Variants in DIAPH1 observed in about 807,000 individuals in gnomAD.
DIAPH1 encodes the protein diaphanous related formin 1, also known as protein diaphanous homolog 1.
DIAPH1 carries 46 observed loss-of-function variants against 140.7 expected under a neutral mutation model. The ratio of observed to expected loss-of-function variants is 0.33; its 90% CI spans 0.26 to 0.42. The LOEUF (loss-of-function observed/expected upper bound fraction) is 0.42. DIAPH1 is among the 10% of genes least tolerant of loss of function. The pLI, the probability that DIAPH1 is intolerant of heterozygous loss-of-function variation, is 1.00. For missense variants in DIAPH1, 1,310 were observed against 1,558.7 expected (o/e 0.84, Z 2.69); for synonymous variants, 565 against 551.6 (o/e 1.02, Z -0.34).
intron 18 of DIAPH1, among the ~76,000 whole-genome samples, chr5:141,549,582 C>T (rs542242222): frequency 6.6e-6 from 1 of 150,992 alleles, no homozygotes; most frequent in South Asian, 2.1e-4. Flanking sequence ...ACTAACATAT[C>T]TTTTTTCATA....
chr5:141,581,482 G>C (rs1227290289), intron 7 of DIAPH1, among the ~76,000 whole-genome samples: 6 of 152,170 alleles, frequency 3.9e-5, no homozygotes, highest in Admixed American at 3.9e-4. Flanking sequence ...AACAGAATTA[G>C]ATGTCTTCCA....
intron 18 of DIAPH1, among the ~76,000 whole-genome samples, chr5:141,551,404 C>G (rs1413806247): frequency 6.6e-6 from 1 of 152,074 alleles, no homozygotes; most frequent in Non-Finnish European, 1.5e-5. Flanking sequence ...TACAGTGTCA[C>G]CACACTCCAG....
At chr5:141,550,762 A>G (rs761917627) in intron 18 of DIAPH1, among the ~76,000 whole-genome samples, 1 of 152,172 alleles carries the variant, frequency 6.6e-6, no homozygotes, top group South Asian at 2.1e-4. Context: ...GGTGCACACC[A>G]CCATGCCCAG....
At chr5:141,550,947 G>A (rs192907643) in intron 18 of DIAPH1, among the ~76,000 whole-genome samples, 3 of 152,276 alleles carry the variant, frequency 2.0e-5, no homozygotes. Context: ...GCCCTTGCAG[G>A]TGACCATAAC....
In DIAPH1 at chr5:141,526,022, C is replaced by G; in HGVS notation, c.3574+16G>C. 6.2e-7 allele frequency: 1 copy of G among 1,613,738 alleles called. No homozygotes were observed. The highest frequency in any genetic ancestry group is 1.1e-5 in the South Asian group (1 of 91,084). The stretch of plus-strand genomic sequence containing the variant: ...ACATTCCTATCTCAGCCCATCAACC[C>G]GTCTTCACTCCTCACCTGCATTCAT... On this transcript the variant is annotated intron_variant, in intron 26 of 27. Transcript: ENST00000389054.
At chr5:141,555,548 C>T (rs944248239) in intron 18 of DIAPH1, among the ~76,000 whole-genome samples, 1 of 152,134 alleles carries the variant, frequency 6.6e-6, no homozygotes, top group African/African-American at 2.4e-5. Context: ...GGTTCCAGCC[C>T]CCATTTTCAT....
At position 141,578,457 on chromosome 5, in the gene DIAPH1, G is replaced by A; in HGVS notation, c.1044+58C>T. The A allele has an allele frequency of 2.6e-6, 4 of 1,534,030 alleles. No individual in the cohort carries two copies. The Admixed American group carries it at 6.7e-5, about 26-fold the overall frequency. ...AACCAGAATTATCCCCGGGATTATT[G>A]GGGCTGTAGAGCAAGAAGGAACCAG... On this transcript the variant is annotated intron_variant, in intron 10 of 27. Coordinates refer to ENST00000389054, the MANE Select transcript of DIAPH1 (RefSeq NM_005219.5).
intron 18 of DIAPH1, among the ~76,000 whole-genome samples, chr5:141,552,398 G>A (rs551735922): frequency 6.6e-6 from 1 of 152,288 alleles, no homozygotes; most frequent in East Asian, 1.9e-4. Context: ...CAGAGTCAGA[G>A]AGGACATGTG....
chr5:141,578,239 A>G lies in DIAPH1; in HGVS notation c.1149T>C (p.Ile383=). The G allele has an allele frequency of 6.2e-7, 1 of 1,613,660 alleles. No homozygotes were observed. The highest frequency in any genetic ancestry group is 8.5e-7 in the Non-Finnish European group (1 of 1,179,562). The change falls in exon 11 of 28, where the codon ATT becomes ATC. Residue 383 remains isoleucine, a synonymous_variant. Coordinates refer to ENST00000389054, the MANE Select transcript of DIAPH1 (RefSeq NM_005219.5). The part of the protein sequence containing the change: ...SYDLKGRLDD[I]RMEMDDFNEV... ...CAAAAGGATATTCCATCTCCATGCG[A>G]ATGTCATCCAGCCGTCCCTTCAGGT...
intron 3 of DIAPH1, 101 bp from the exon 4 acceptor site, chr5:141,584,326 A>C: frequency 2.8e-6 from 2 of 707,384 alleles, no homozygotes; most frequent in South Asian, 3.0e-5. Context: ...TTGAGCATGT[A>C]AAATGCTTAA....
intron 18 of DIAPH1, among the ~76,000 whole-genome samples, chr5:141,556,554 G>T (rs1464370910): frequency 6.6e-6 from 1 of 152,190 alleles, no homozygotes; most frequent in Non-Finnish European, 1.5e-5. Context: ...CCCTCTGAAG[G>T]TGGCAGGGCA....
intron 1 of DIAPH1, among the ~76,000 whole-genome samples, chr5:141,617,455 C>T (rs1033179831): frequency 3.9e-5 from 6 of 152,156 alleles, no homozygotes; most frequent in Admixed American, 1.3e-4. Context: ...TCTAACCCTC[C>T]AGGGTTAACA....
chr5:141,600,148 G>A (rs984594289), intron 1 of DIAPH1, among the ~76,000 whole-genome samples: 3 of 152,236 alleles, frequency 2.0e-5, no homozygotes, highest in African/African-American at 7.2e-5. Context: ...TGGCATGAAG[G>A]TGGAGGGGGC....
rs575426192 is a variant in DIAPH1, at chr5:141,528,594, A to C, written c.3019-12T>G. The C allele has an allele frequency of 6.2e-7, 1 of 1,614,226 alleles. No individual in the cohort carries two copies. The highest frequency in any genetic ancestry group is 1.1e-5 in the South Asian group (1 of 91,088). On this transcript the variant is annotated splice_polypyrimidine_tract_variant and intron_variant, in intron 22 of 27. Coordinates refer to ENST00000389054, the MANE Select transcript of DIAPH1 (RefSeq NM_005219.5). ...TTGGTGTCTCGAAGCTTAGAGAAAGAGGAGAAACTGTTAAATCCTGACATG... is the reference window on the plus strand; with the variant it reads ...TTGGTGTCTCGAAGCTTAGAGAAAGCGGAGAAACTGTTAAATCCTGACATG...
At chr5:141,601,294 C>T in intron 1 of DIAPH1, among the ~76,000 whole-genome samples, 1 of 146,792 alleles carries the variant, frequency 6.8e-6, no homozygotes, top group East Asian at 2.0e-4. Flanking sequence ...AAAAAAAGAA[C>T]TACTCCCTCT....
At chr5:141,555,854 T>C (rs2099892487) in intron 18 of DIAPH1, among the ~76,000 whole-genome samples, 2 of 152,194 alleles carry the variant, frequency 1.3e-5, no homozygotes, top group African/African-American at 4.8e-5. Context: ...ATTCAGCAGA[T>C]TCTAAACCTT....
intron 1 of DIAPH1, among the ~76,000 whole-genome samples, chr5:141,603,951 C>A (rs904781471): frequency 6.6e-6 from 1 of 152,192 alleles, no homozygotes; most frequent in Non-Finnish European, 1.5e-5. Flanking sequence ...GGAAAGGCCA[C>A]GCTGGTATCA....
chr5:141,579,676 G>T (rs1391957972), intron 8 of DIAPH1, among the ~76,000 whole-genome samples: 1 of 152,126 alleles, frequency 6.6e-6, no homozygotes, highest in African/African-American at 2.4e-5. Context: ...TTGGCTGGGC[G>T]CAGTGGCTCA....
At chr5:141,524,274 C>G in intron 26 of DIAPH1, 45 bp from the exon 27 acceptor site, 1 of 1,560,886 alleles carries the variant, frequency 6.4e-7, no homozygotes, top group South Asian at 1.1e-5. Flanking sequence ...TCAGCCAGAG[C>G]AGCATGGCAA....
Sources: gnomAD v4.1 joint callset for allele counts (sites outside exome capture counted in the v4.1 genomes callset) on GRCh38, gnomAD v4.1.1 for gene constraint, MANE v1.5 for transcripts, NCBI Gene and HGNC (gene_info 2026-07-23, HGNC 2026-07-21) for gene names.